Variants in CELSR1 observed in about 807,000 individuals in gnomAD.
CELSR1 encodes cadherin EGF LAG seven-pass G-type receptor 1.
In CELSR1, 110 loss-of-function variants were observed where a neutral mutation model predicts 249.1. The observed-to-expected ratio is 0.44, with a 90% CI of 0.38 to 0.52. The LOEUF (loss-of-function observed/expected upper bound fraction) is 0.52. CELSR1 is among the 20% of genes least tolerant of loss of function. The pLI, the probability that CELSR1 is intolerant of heterozygous loss-of-function variation, is 0.00. For synonymous variants in CELSR1, 2,113 were observed against 1,900.0 expected (o/e 1.11, Z -2.92); for missense variants, 4,109 against 4,296.4 (o/e 0.96, Z 1.22).
chr22:46,390,936 G>A lies in CELSR1; in HGVS notation c.6250+250C>T, dbSNP rs150602561. ...CTTGTCCCGGTGCCCCAGCCTGAGCGGCAGAGCAGGGACTGGCCGGGCCTG... is the reference window on the plus strand; with the variant it reads ...CTTGTCCCGGTGCCCCAGCCTGAGCAGCAGAGCAGGGACTGGCCGGGCCTG... On this transcript the variant is annotated intron_variant, in intron 16 of 34. Transcript: ENST00000674500. This position sits in a 1 kb window ranked among gnomAD's most constrained non-coding sequence, Gnocchi z 6.3. Among the ~76,000 whole-genome samples the A allele has an allele frequency of 7.0e-3, 1,071 of 152,320 alleles. 13 individuals carry two copies. Among genetic ancestry groups the A allele is most frequent in the African/African-American group, 0.024 (998 of 41,550 alleles).
At chr22:46,495,002 G>A (rs12628943) in intron 1 of CELSR1, among the ~76,000 whole-genome samples, 8,857 of 152,300 alleles carry the variant, frequency 0.058, 329 homozygotes, top group East Asian at 0.14. Flanking sequence ...TGAGAAATGC[G>A]TTGTTAGATG....
intron 5 of CELSR1, among the ~76,000 whole-genome samples, chr22:46,414,182 A>G (rs2079369957): frequency 6.6e-6 from 1 of 152,236 alleles, no homozygotes; most frequent in Non-Finnish European, 1.5e-5. Context: ...GGCCTTCGTG[A>G]ATCAGAGCAG....
intron 1 of CELSR1, chr22:46,530,252 G>A (rs2080778331): frequency 6.6e-6 from 1 of 152,242 alleles, no homozygotes; most frequent in African/African-American, 2.4e-5. Context: ...TGGGGCAAGA[G>A]AGCAAGACCC....
Position 46,410,885 on chromosome 22 carries a change from C to T in CELSR1, c.4770-324G>A, listed in dbSNP as rs372624547. Among the ~76,000 whole-genome samples, 216 of 151,846 alleles carry T rather than the reference C, an allele frequency of 1.4e-3. No homozygotes were observed. The highest frequency in any genetic ancestry group is 6.8e-3 in the Middle Eastern group (2 of 294). The stretch of plus-strand genomic sequence containing the variant: ...CAGGTCAAGGCCAGCAGGGACTATA[C>T]TTTACCCTTGCCTCTGAGACCTTCT... On this transcript the variant is annotated intron_variant, in intron 6 of 34. Coordinates refer to ENST00000674500, the MANE Select transcript of CELSR1 (RefSeq NM_001378328.1). This position sits in a 1 kb window ranked among gnomAD's most constrained non-coding sequence, Gnocchi z 6.8.
chr22:46,411,123 C>T lies in CELSR1; in HGVS notation c.4769+479G>A, dbSNP rs1332826632. On this transcript the variant is annotated intron_variant, in intron 6 of 34. Transcript: ENST00000674500. This position sits in a 1 kb window ranked among gnomAD's most constrained non-coding sequence, Gnocchi z 4.2. ...CTGTGGCAGGAGGATGGCTTGAGTC[C>T]AGGAGGTCAAGGCTTCAGTGAGCTA... Among the ~76,000 whole-genome samples, 1 of 152,100 alleles carries T rather than the reference C, an allele frequency of 6.6e-6. No individual in the cohort carries two copies. Among genetic ancestry groups the T allele is most frequent in the African/African-American group, 2.4e-5 (1 of 41,426 alleles).
In CELSR1 at chr22:46,533,679, G is replaced by T. The variant is rs948911520; in HGVS notation, c.3492C>A (p.Arg1164=). The change falls in exon 1 of 35, where the codon CGC becomes CGA. Residue 1164 remains arginine (R), a synonymous_variant. Transcript: ENST00000674500. ...CCAGCGGCCGGTTGTTGTCCAGGTC[G>T]CGGCTGAGCTGCAGTTCGCCCGTGG... ...DPATGELQLS[R]DLDNNRPLEA... is the part of the protein sequence containing the mutation. 1.2e-6 allele frequency: 2 copies of T among 1,607,874 alleles called. No homozygotes were observed. The highest frequency in any genetic ancestry group is 2.2e-5 in the South Asian group (2 of 90,742).
intron 1 of CELSR1, among the ~76,000 whole-genome samples, chr22:46,495,821 A>G (rs1233305314): frequency 6.6e-6 from 1 of 151,548 alleles, no homozygotes; most frequent in Non-Finnish European, 1.5e-5. Context: ...ATCTCAAAAA[A>G]TATATTTTTT....
chr22:46,493,022 T>C (rs9615372), intron 1 of CELSR1, among the ~76,000 whole-genome samples: 48,628 of 151,990 alleles, frequency 0.32, 9,489 homozygotes, highest in East Asian at 0.56. Context: ...GATGGGAGGA[T>C]CGCTTGAGGC....
chr22:46,397,471 C>T (rs747364313), intron 12 of CELSR1, among the ~76,000 whole-genome samples: 5 of 151,996 alleles, frequency 3.3e-5, no homozygotes, highest in Non-Finnish European at 7.4e-5. Context: ...AGGAGAGCGC[C>T]TGGGGCACTC....
In CELSR1 at chr22:46,386,425, A is replaced by T. The variant is rs1397118695; in HGVS notation, c.6716T>A (p.Phe2239Tyr). 6.3e-7 allele frequency: 1 copy of T among 1,586,210 alleles called. No individual in the cohort carries two copies. Among genetic ancestry groups the T allele is most frequent in the Non-Finnish European group, 8.6e-7 (1 of 1,166,610 alleles). ...ACTCATGTTGGCGGTGACGATGACG[A>T]AGGGCCGCAGGTACGTCCGCCGCAC... The part of the protein sequence containing the change: ...RNVRRTYLRP[F>Y]VIVTANMILA... The change falls in exon 19 of 35, where the codon TTC (phenylalanine) becomes TAC (tyrosine). Residue 2239 changes from phenylalanine (F) to tyrosine (Y), a missense_variant. Physicochemically the swap from Phe to Tyr is conservative, Grantham distance 22 (BLOSUM62 3). Transcript: ENST00000674500.
rs960309484 is a variant in CELSR1, at chr22:46,395,822, G to A, written c.5843+783C>T. Reference sequence around the variant, plus strand: ...GCAGCTCCACCTTGGACAAAGTGACGCTTGTGATGACTACGCACCTGTACC... The same window carrying A: ...GCAGCTCCACCTTGGACAAAGTGACACTTGTGATGACTACGCACCTGTACC... On this transcript the variant is annotated intron_variant, in intron 13 of 34. Coordinates refer to ENST00000674500, the MANE Select transcript of CELSR1 (RefSeq NM_001378328.1). This position sits in a 1 kb window ranked among gnomAD's most constrained non-coding sequence, Gnocchi z 5.5. 6.6e-6 allele frequency among the ~76,000 whole-genome samples: 1 copy of A among 152,178 alleles called. No individual in the cohort carries two copies. The highest frequency in any genetic ancestry group is 1.5e-5 in the Non-Finnish European group (1 of 68,028).
rs772362891 is a variant in CELSR1 at position 46,464,129 on chromosome 22, C to T, written c.3761G>A (p.Ser1254Asn). Residue 1254 changes from serine (S) to asparagine (N), a missense_variant, in exon 2 of 35, where the codon AGC becomes AAC. By Grantham distance (46) the Ser-to-Asn change is conservative (BLOSUM62 1). Around this residue, in one of 7 missense-constraint regions of CELSR1, gnomAD observed 141 missense variants for 209.4 expected, o/e 0.67. Coordinates refer to ENST00000674500, the MANE Select transcript of CELSR1 (RefSeq NM_001378328.1). This position sits in a 1 kb window ranked among gnomAD's most constrained non-coding sequence, Gnocchi z 8.5. ...GAAGGTCACGTTCAGGATGTTGGAG[C>T]TGACGTCGGTGTCGTTCTGGACGTT... ...VFNVQNDTDV[S>N]SNILNVTFSA... 4.3e-6 allele frequency: 7 copies of T among 1,613,858 alleles called. No individual in the cohort carries two copies. Among genetic ancestry groups the T allele is most frequent in the South Asian group, 3.3e-5 (3 of 91,084 alleles).
intron 1 of CELSR1, among the ~76,000 whole-genome samples, chr22:46,524,332 C>A (rs999872837): frequency 2.0e-5 from 3 of 152,228 alleles, no homozygotes; most frequent in Non-Finnish European, 4.4e-5. Flanking sequence ...AGCCTCCTTG[C>A]TACATGATTC....
chr22:46,537,101 T>C lies in CELSR1; in HGVS notation c.70A>G (p.Met24Val), dbSNP rs2080867297. The C allele has an allele frequency of 1.9e-6, 2 of 1,040,496 alleles. No homozygotes were observed. Among genetic ancestry groups the C allele is most frequent in the Admixed American group, 5.6e-5 (1 of 17,752 alleles). 64.5% of individuals were successfully genotyped at this position (1,040,496 alleles called of 1,614,324 possible). A position where few individuals can be genotyped will look rare whatever the true frequency, so the allele number is the denominator to read the frequency against. The change falls in exon 1 of 35, where the codon ATG becomes GTG. Residue 24 changes from methionine to valine, a missense_variant. By Grantham distance (21) the Met-to-Val change is conservative. Transcript: ENST00000674500. This position sits in a 1 kb window ranked among gnomAD's most constrained non-coding sequence, Gnocchi z 5.8. Reference protein sequence around the residue: ...LLAAAAALPAMGLRAAAWEPR... With the variant: ...LLAAAAALPAVGLRAAAWEPR... ...TCCCAGGCGGCCGCTCGCAGCCCCA[T>C]CGCCGGCAGGGCGGCGGCGGCGGCC...
chr22:46,507,658 T>C (rs2080528418), intron 1 of CELSR1, among the ~76,000 whole-genome samples: 1 of 152,126 alleles, frequency 6.6e-6, no homozygotes, highest in Non-Finnish European at 1.5e-5. Flanking sequence ...GCCCGCAGTC[T>C]GGGCTCACAG....
chr22:46,403,738 G>A (rs1376846037), intron 9 of CELSR1, among the ~76,000 whole-genome samples: 2 of 151,938 alleles, frequency 1.3e-5, no homozygotes, highest in South Asian at 2.1e-4. Context: ...TTTGGGAGGT[G>A]GAGGCAGACA....
chr22:46,405,799 G>C (rs1254994302), intron 9 of CELSR1, among the ~76,000 whole-genome samples: 3 of 152,194 alleles, frequency 2.0e-5, no homozygotes, highest in Non-Finnish European at 4.4e-5. Flanking sequence ...TTGAGGGACA[G>C]CCAAACTGCT....
chr22:46,432,739 G>A (rs891663466), intron 5 of CELSR1, among the ~76,000 whole-genome samples: 2 of 152,196 alleles, frequency 1.3e-5, no homozygotes, highest in African/African-American at 2.4e-5. Flanking sequence ...CTACAGAGCC[G>A]TGTATGAACA....
chr22:46,369,940 G>T (rs1164889468), intron 25 of CELSR1, 136 bp from the exon 26 acceptor site: 1 of 754,060 alleles, frequency 1.3e-6, no homozygotes, highest in Non-Finnish European at 2.3e-6. Context: ...GGAGTCCAGG[G>T]AGCCAGCCCA....
Sources: gnomAD v4.1 joint callset for allele counts (sites outside exome capture counted in the v4.1 genomes callset) on GRCh38, gnomAD v4.1.1 for gene constraint, gnomAD v4.1.1 regional missense constraint, Gnocchi (gnomAD v3.1) non-coding constraint, MANE v1.5 for transcripts, NCBI Gene and HGNC (gene_info 2026-07-23, HGNC 2026-07-21) for gene names.